Variants in SRGAP1 observed in about 807,000 individuals in gnomAD.
The protein encoded by SRGAP1 is SLIT-ROBO Rho GTPase-activating protein 1.
A neutral mutation model predicts 121.9 loss-of-function variants in SRGAP1; 43 were observed. That is an observed-to-expected ratio of 0.35 (90% CI 0.28 to 0.46). The LOEUF (loss-of-function observed/expected upper bound fraction) is 0.46, where lower values mean the gene tolerates loss of function less well. Ranked by LOEUF, SRGAP1 falls within the 20% of genes least tolerant of loss-of-function variation. SRGAP1 has a pLI of 1.00. For missense variants in SRGAP1, 1,102 were observed against 1,350.9 expected (o/e 0.82, Z 2.89); for synonymous variants, 447 against 485.4 (o/e 0.92, Z 1.04).
intron 6 of SRGAP1, among the ~76,000 whole-genome samples, chr12:64,057,183 T>G (rs999450283): frequency 2.2e-4 from 33 of 152,316 alleles, no homozygotes; most frequent in Middle Eastern, 3.4e-3. Context: ...TTTGCTACTT[T>G]GTACCCATCC....
chr12:63,936,301 TATTACTGCATCAG>T (rs1330255893), intron 1 of SRGAP1, among the ~76,000 whole-genome samples: 1 of 152,180 alleles, frequency 6.6e-6, no homozygotes, highest in East Asian at 1.9e-4. Flanking sequence ...ATTTATAGGT[TATTACTGCATCAG>T]AGACAAGTTG....
chr12:63,896,803 A>G (rs1025984402), intron 1 of SRGAP1, among the ~76,000 whole-genome samples: 9 of 152,218 alleles, frequency 5.9e-5, no homozygotes, highest in Admixed American at 3.9e-4. Context: ...AACATTTCCC[A>G]GTGTCTTCCC....
chr12:64,100,833 T>A (rs2036242370), intron 15 of SRGAP1, among the ~76,000 whole-genome samples: 1 of 152,188 alleles, frequency 6.6e-6, no homozygotes, highest in African/African-American at 2.4e-5. Flanking sequence ...TCCTGGATTT[T>A]CCTGCATTTT....
intron 6 of SRGAP1, among the ~76,000 whole-genome samples, chr12:64,049,871 T>G (rs61931202): frequency 0.19 from 28,327 of 152,120 alleles, 3,332 homozygotes; most frequent in Non-Finnish European, 0.27. Flanking sequence ...CTTTGGCTAC[T>G]GGAGGTTTTT....
At chr12:63,881,098 A>G (rs1299657149) in intron 1 of SRGAP1, among the ~76,000 whole-genome samples, 5 of 152,228 alleles carry the variant, frequency 3.3e-5, no homozygotes, top group African/African-American at 1.2e-4. Flanking sequence ...TCAACTGGAA[A>G]GTGTCAGGGC....
At chr12:63,889,647 C>T (rs779430227) in intron 1 of SRGAP1, among the ~76,000 whole-genome samples, 3 of 152,116 alleles carry the variant, frequency 2.0e-5, no homozygotes, top group Admixed American at 6.5e-5. Context: ...TGGTGGCTCA[C>T]GCCTGTAATC....
chr12:64,040,797 T>G (rs1027363743), intron 4 of SRGAP1, among the ~76,000 whole-genome samples: 4 of 152,188 alleles, frequency 2.6e-5, no homozygotes, highest in African/African-American at 9.6e-5. Flanking sequence ...TCTGAAATAC[T>G]TTCAGAGATA....
At chr12:63,851,956 C>G (rs1899088777) in intron 1 of SRGAP1, among the ~76,000 whole-genome samples, 1 of 152,044 alleles carries the variant, frequency 6.6e-6, no homozygotes, top group Non-Finnish European at 1.5e-5. Flanking sequence ...ATTGTTATCT[C>G]TTTAATGCTG....
intron 1 of SRGAP1, among the ~76,000 whole-genome samples, chr12:63,956,344 C>T (rs531664909): frequency 1.3e-5 from 2 of 152,226 alleles, no homozygotes; most frequent in East Asian, 3.9e-4. Context: ...GGAATACAGG[C>T]ATGAACCCCT....
At chr12:63,858,364 T>C (rs1224810493) in intron 1 of SRGAP1, among the ~76,000 whole-genome samples, 1 of 151,926 alleles carries the variant, frequency 6.6e-6, no homozygotes, top group African/African-American at 2.4e-5. Context: ...GGGCTTCACT[T>C]TGCTGCCCAG....
chr12:63,922,064 T>C (rs1164190909), intron 1 of SRGAP1, among the ~76,000 whole-genome samples: 1 of 151,782 alleles, frequency 6.6e-6, no homozygotes, highest in African/African-American at 2.4e-5. Flanking sequence ...CTACAGCTTC[T>C]CCCTGCCGGC....
At chr12:64,032,328 C>A in intron 4 of SRGAP1, 1 of 336,142 alleles carries the variant, frequency 3.0e-6, no homozygotes, top group Non-Finnish European at 5.8e-6. Flanking sequence ...GGCGTTTCTC[C>A]AGTGACCCCC....
intron 1 of SRGAP1, among the ~76,000 whole-genome samples, chr12:63,856,980 A>C (rs1899272784): frequency 6.6e-6 from 1 of 151,778 alleles, no homozygotes; most frequent in Non-Finnish European, 1.5e-5. Flanking sequence ...TATGCTTTTG[A>C]TATTTTTGTT....
At chr12:63,877,206 A>G (rs1415022927) in intron 1 of SRGAP1, among the ~76,000 whole-genome samples, 1 of 152,190 alleles carries the variant, frequency 6.6e-6, no homozygotes, top group African/African-American at 2.4e-5. Context: ...CTTGGGCAAC[A>G]AGAGTGAAAC....
intron 2 of SRGAP1, among the ~76,000 whole-genome samples, chr12:63,986,878 A>AG (rs2033433402): frequency 6.6e-6 from 1 of 152,226 alleles, no homozygotes; most frequent in Non-Finnish European, 1.5e-5. Flanking sequence ...TTTCTTTAAA[A>AG]GGTAAGCAGT....
At chr12:64,111,156 A>G (rs1305055392) in intron 16 of SRGAP1, among the ~76,000 whole-genome samples, 1 of 152,206 alleles carries the variant, frequency 6.6e-6, no homozygotes, top group Non-Finnish European at 1.5e-5. Context: ...CTTGCATAGA[A>G]TAAGAGAACT....
intron 1 of SRGAP1, among the ~76,000 whole-genome samples, chr12:63,867,858 T>A (rs1264305315): frequency 1.3e-5 from 2 of 151,254 alleles, no homozygotes; most frequent in African/African-American, 4.8e-5. Flanking sequence ...AAAATGTGGA[T>A]GTTAATGGTG....
intron 1 of SRGAP1, among the ~76,000 whole-genome samples, chr12:63,859,581 T>A (rs911941641): frequency 6.6e-6 from 1 of 152,336 alleles, no homozygotes; most frequent in East Asian, 1.9e-4. Context: ...TTTTCTTAAG[T>A]TGAACACATA....
rs147431512 is a variant in SRGAP1 at position 64,012,847 on chromosome 12, G to A, written c.427-4103G>A. Among the ~76,000 whole-genome samples the A allele has an allele frequency of 1.9e-3, 292 of 151,800 alleles. 2 individuals carry two copies. Among genetic ancestry groups the A allele is most frequent in the African/African-American group, 6.5e-3 (269 of 41,426 alleles). On this transcript the variant is annotated intron_variant, in intron 3 of 21. Transcript: ENST00000355086. ...ATTACAGGCATGAGCCACTACACCC[G>A]GCCTGTTTTCAAATTTTTAATGAAA...
Sources: gnomAD v4.1 joint callset for allele counts (sites outside exome capture counted in the v4.1 genomes callset) on GRCh38, gnomAD v4.1.1 for gene constraint, MANE v1.5 for transcripts, NCBI Gene and HGNC (gene_info 2026-07-23, HGNC 2026-07-21) for gene names.